HDAC2: variants seen among roughly 807,000 people sequenced by gnomAD.
HDAC2 encodes YY1-associated factor 1.
A neutral mutation model predicts 68.5 loss-of-function variants in HDAC2; 5 were observed. That is an observed-to-expected ratio of 0.07 (90% CI 0.04 to 0.15). The LOEUF (loss-of-function observed/expected upper bound fraction) is 0.15. HDAC2 is among the 10% of genes least tolerant of loss of function. HDAC2 has a pLI of 1.00. For synonymous variants in HDAC2, 182 were observed against 191.3 expected (o/e 0.95, Z 0.40); for missense variants, 291 against 600.8 (o/e 0.48, Z 5.39).
chr6:113,953,543 T>G, intron 5 of HDAC2, 125 bp from the exon 6 acceptor site: 4 of 598,706 alleles, frequency 6.7e-6, no homozygotes, highest in Non-Finnish European at 1.2e-5. Flanking sequence ...CCTTTTACAT[T>G]CAGCCTAAGA....
At chr6:113,959,280 T>C (rs1206544023) in intron 2 of HDAC2, among the ~76,000 whole-genome samples, 1 of 152,114 alleles carries the variant, frequency 6.6e-6, no homozygotes, top group African/African-American at 2.4e-5. Context: ...CTTCTCTAAA[T>C]GTCTACATGT....
At position 113,956,160 on chromosome 6, in the gene HDAC2, T is replaced by C. The variant is rs367736850; in HGVS notation, c.359-9A>G. On this transcript the variant is annotated splice_polypyrimidine_tract_variant and intron_variant, in intron 4 of 13. Coordinates refer to ENST00000519065, the MANE Select transcript of HDAC2 (RefSeq NM_001527.4). ...TAACTTCACAGCTCCAGCTAAGAAG[T>C]AGAAACAAGATAGACCTTTTAAACA... 31 of 1,594,764 alleles carry C rather than the reference T, an allele frequency of 1.9e-5. No individual in the cohort carries two copies. In the Middle Eastern group the frequency reaches 1.0e-3, roughly 52 times the overall value.
chr6:113,950,693 A>C (rs1776391097), intron 6 of HDAC2, among the ~76,000 whole-genome samples: 2 of 34,254 alleles, frequency 5.8e-5, no homozygotes, highest in East Asian at 6.4e-4. Context: ...ACTGCGCCTG[A>C]GTGGGGTGGG....
rs1776025531 is a variant in HDAC2, at chr6:113,937,400, A to G, written c.*3658T>C. 6.6e-6 allele frequency: 1 copy of G among 152,220 alleles called. No homozygotes were observed. The highest frequency in any genetic ancestry group is 2.1e-4 in the South Asian group (1 of 4,830). The allele number at this position is 152,220 out of a possible 1,614,324, so 9.4% of individuals were successfully genotyped here. A position where few individuals can be genotyped will look rare whatever the true frequency, so the allele number is the denominator to read the frequency against. ...GGCAAAGCTTAGATATGATGTAACT[A>G]GCTTAGAGTACCAATGCTGACTTAG... On this transcript the variant is annotated 3_prime_UTR_variant, in exon 14 of 14. Transcript: ENST00000519065.
At chr6:113,946,866 T>C (rs974433740) in intron 8 of HDAC2, 1 of 152,048 alleles carries the variant, frequency 6.6e-6, no homozygotes, top group African/African-American at 2.4e-5. Context: ...ACAAAAGACA[T>C]TTGTGCATAC....
At chr6:113,957,534 T>G (rs1582490906) in intron 3 of HDAC2, among the ~76,000 whole-genome samples, 1 of 151,134 alleles carries the variant, frequency 6.6e-6, no homozygotes, top group Non-Finnish European at 1.5e-5. Flanking sequence ...CAGGCTGGAG[T>G]GCAATGGCGT....
rs1238802255 is a variant in HDAC2, at chr6:113,940,739, A to G, written c.*319T>C. 1.7e-5 allele frequency: 4 copies of G among 234,428 alleles called. No homozygotes were observed. Among genetic ancestry groups the G allele is most frequent in the Non-Finnish European group, 3.3e-5 (4 of 121,116 alleles). The allele number at this position is 234,428 out of a possible 1,614,324, so 14.5% of individuals were successfully genotyped here. The stretch of plus-strand genomic sequence containing the variant: ...TAATCCAAGTACAATTTTTTAATAA[A>G]GATAATTACAAAAGATGGAAAAATC... On this transcript the variant is annotated 3_prime_UTR_variant, in exon 14 of 14. Transcript: ENST00000519065.
At chr6:113,955,608 C>T (rs1776534736) in intron 5 of HDAC2, among the ~76,000 whole-genome samples, 1 of 151,766 alleles carries the variant, frequency 6.6e-6, no homozygotes, top group Non-Finnish European at 1.5e-5. Context: ...GACTCAACTT[C>T]CTGGGCTCAG....
chr6:113,949,334 GAA>G, intron 6 of HDAC2, 74 bp from the exon 7 acceptor site: 7 of 876,740 alleles, frequency 8.0e-6, no homozygotes, highest in Non-Finnish European at 1.3e-5. Context: ...ACTACATTTT[GAA>G]AAGACTGAAA....
Position 113,941,222 on chromosome 6 carries a change from G to C in HDAC2, c.1437-134C>G, listed in dbSNP as rs543651604. On this transcript the variant is annotated intron_variant, in intron 13 of 13. Coordinates refer to ENST00000519065, the MANE Select transcript of HDAC2 (RefSeq NM_001527.4). ...ATTGATAATGTCTTAAGTGTTTCTG[G>C]AGTAATTAATGCCTTAATTTTTCTA... The C allele has an allele frequency of 3.8e-5, 21 of 545,474 alleles. 1 individual carries two copies. In the South Asian group the frequency reaches 6.7e-4, roughly 17 times the overall value. The allele number at this position is 545,474 out of a possible 1,614,324, so 33.8% of individuals were successfully genotyped here.
In HDAC2 at chr6:113,971,006, G is replaced by A. The variant is rs912847574; in HGVS notation, c.-98C>T. On this transcript the variant is annotated 5_prime_UTR_variant, in exon 1 of 14. Coordinates refer to ENST00000519065, the MANE Select transcript of HDAC2 (RefSeq NM_001527.4). ...CGGCCGGGAGAGAAAAGGGCTGAGG[G>A]AAACGTGGGGGCGATAGTCCCGCGG... 10 of 1,577,252 alleles carry A rather than the reference G, an allele frequency of 6.3e-6. No homozygotes were observed. The highest frequency in any genetic ancestry group is 4.0e-5 in the African/African-American group (3 of 74,360).
At chr6:113,949,705 G>A (rs548211906) in intron 6 of HDAC2, among the ~76,000 whole-genome samples, 1 of 152,166 alleles carries the variant, frequency 6.6e-6, no homozygotes, top group South Asian at 2.1e-4. Context: ...CAATCTGTTG[G>A]TATGAGTTTA....
intron 8 of HDAC2, 23 bp downstream of exon 8, chr6:113,948,951 TGGAAA>T (rs1451790727): frequency 1.2e-6 from 2 of 1,602,244 alleles, no homozygotes; most frequent in Admixed American, 1.8e-5. Flanking sequence ...CATTTTTTTC[TGGAAA>T]TACCACCCTT....
intron 12 of HDAC2, 85 bp downstream of exon 12, chr6:113,943,266 G>A: frequency 9.4e-7 from 1 of 1,068,802 alleles, no homozygotes; most frequent in Admixed American, 2.4e-5. Context: ...CTGTGCAACT[G>A]ACTTCTCGAT....
rs1382353006 is a variant in HDAC2, at chr6:113,939,784, A to G, written c.*1274T>C. ...CCGAAGCAAATATAGCAAAAGTAAA[A>G]TATTTGTTAAGTCGGGGTGGGTGCA... is the stretch of plus-strand genomic sequence containing the variant. On this transcript the variant is annotated 3_prime_UTR_variant, in exon 14 of 14. Transcript: ENST00000519065. 6.6e-6 allele frequency: 1 copy of G among 152,192 alleles called. No homozygotes were observed. Among genetic ancestry groups the G allele is most frequent in the Non-Finnish European group, 1.5e-5 (1 of 68,038 alleles). The allele number at this position is 152,192 out of a possible 1,614,324, so 9.4% of individuals were successfully genotyped here.
intron 1 of HDAC2, among the ~76,000 whole-genome samples, chr6:113,963,398 G>C (rs933979421): frequency 1.3e-5 from 2 of 152,062 alleles, no homozygotes; most frequent in African/African-American, 4.8e-5. Context: ...TTTTCATAAA[G>C]TATAAAAAGG....
rs1776060386 is a variant in HDAC2 at position 113,938,676 on chromosome 6, T to A, written c.*2382A>T. ...ATCCTATATGAATTTTTTAAAGTATTAGGGTATTCTGACATCTTACTATGT... is the reference window on the plus strand; with the variant it reads ...ATCCTATATGAATTTTTTAAAGTATAAGGGTATTCTGACATCTTACTATGT... On this transcript the variant is annotated 3_prime_UTR_variant, in exon 14 of 14. Transcript: ENST00000519065. The A allele has an allele frequency of 6.6e-6, 1 of 152,212 alleles. No individual in the cohort carries two copies. Among genetic ancestry groups the A allele is most frequent in the Non-Finnish European group, 1.5e-5 (1 of 68,042 alleles). 9.4% of individuals were successfully genotyped at this position (152,212 alleles called of 1,614,324 possible).
intron 5 of HDAC2, among the ~76,000 whole-genome samples, chr6:113,955,620 T>C (rs1776534909): frequency 6.6e-6 from 1 of 152,088 alleles, no homozygotes. Context: ...TGGGCTCAGG[T>C]ACTCCCACCT....
intron 6 of HDAC2, among the ~76,000 whole-genome samples, chr6:113,950,039 C>G (rs141692210): frequency 1.0e-3 from 158 of 152,246 alleles, no homozygotes; most frequent in African/African-American, 3.7e-3. Context: ...CCTCGGCCCC[C>G]CAAGGTGCTG....
Sources: allele counts gnomAD v4.1 joint callset (sites outside exome capture counted in the v4.1 genomes callset), GRCh38; gene constraint gnomAD v4.1.1; transcripts MANE v1.5; gene names NCBI Gene and HGNC (gene_info 2026-07-23, HGNC 2026-07-21).